NNT: variants seen among roughly 807,000 people sequenced by gnomAD.
The protein encoded by NNT is nicotinamide nucleotide transhydrogenase.
Under a neutral mutation model 104.8 loss-of-function variants are expected in NNT, and 50 were observed. The observed-to-expected ratio is 0.48, with a 90% CI of 0.38 to 0.60. NNT has a LOEUF of 0.60. Ranked by LOEUF, NNT falls within the 20% of genes least tolerant of loss-of-function variation. The pLI is 0.00. For missense variants in NNT, 1,131 were observed against 1,330.7 expected (o/e 0.85, Z 2.33); for synonymous variants, 461 against 490.4 (o/e 0.94, Z 0.79).
chr5:43,671,348 C>A (rs1217693207), intron 17 of NNT, among the ~76,000 whole-genome samples: 2 of 152,124 alleles, frequency 1.3e-5, no homozygotes, highest in Admixed American at 1.3e-4. Flanking sequence ...GGTTATTTTG[C>A]TCGTTAGTTG....
At chr5:43,655,721 A>G (rs1038230065) in intron 14 of NNT, 119 bp from the exon 15 acceptor site, 6 of 719,236 alleles carry the variant, frequency 8.3e-6, no homozygotes, top group Non-Finnish European at 1.4e-5. Context: ...TTTAGCCCGT[A>G]CTAGGAACTA....
At chr5:43,699,100 A>G (rs1681745697) in intron 19 of NNT, among the ~76,000 whole-genome samples, 1 of 152,000 alleles carries the variant, frequency 6.6e-6, no homozygotes, top group African/African-American at 2.4e-5. Context: ...GAGACAGATA[A>G]ATACTGGGCA....
At chr5:43,637,390 G>T (rs1198220858) in intron 7 of NNT, among the ~76,000 whole-genome samples, 1 of 152,076 alleles carries the variant, frequency 6.6e-6, no homozygotes, top group Non-Finnish European at 1.5e-5. Flanking sequence ...AAAAGCTTAA[G>T]ACTCAGTACT....
At position 43,704,355 on chromosome 5, in the gene NNT, A is replaced by G; in HGVS notation, c.3212A>G (p.Lys1071Arg). 1 of 1,613,828 alleles carries G rather than the reference A, an allele frequency of 6.2e-7. No individual in the cohort carries two copies. The highest frequency in any genetic ancestry group is 1.6e-4 in the Middle Eastern group (1 of 6,062). The change falls in exon 22 of 22, where the codon AAA becomes AGA. Residue 1071 changes from lysine to arginine, a missense_variant. Coordinates refer to ENST00000344920, the MANE Select transcript of NNT (RefSeq NM_182977.3). ...GCCATGCTTCTAGGTGATGCCAAGA[A>G]AACATGTGACGCGCTCCAGGCGAAA... ...NTAMLLGDAK[K>R]TCDALQAKVR...
intron 10 of NNT, among the ~76,000 whole-genome samples, chr5:43,646,082 A>G (rs951769466): frequency 3.3e-5 from 5 of 152,030 alleles, no homozygotes; most frequent in Admixed American, 1.3e-4. Context: ...TCCATTAGTA[A>G]TCGGGCCTGA....
Position 43,704,243 on chromosome 5 carries a change from T to G in NNT, c.3112-12T>G. ...GTTAAATACACTCTCTCATTTAATCTCTGGTTCTCAGGTGATTGTTATGAA... is the reference window on the plus strand; with the variant it reads ...GTTAAATACACTCTCTCATTTAATCGCTGGTTCTCAGGTGATTGTTATGAA... On this transcript the variant is annotated splice_polypyrimidine_tract_variant and intron_variant, in intron 21 of 21. Transcript: ENST00000344920. 6.5e-7 allele frequency: 1 copy of G among 1,539,150 alleles called. No homozygotes were observed. Among genetic ancestry groups the G allele is most frequent in the Non-Finnish European group, 8.7e-7 (1 of 1,149,278 alleles).
intron 17 of NNT, among the ~76,000 whole-genome samples, chr5:43,665,673 C>G (rs929209120): frequency 6.6e-5 from 10 of 151,714 alleles, no homozygotes; most frequent in Non-Finnish European, 1.5e-4. Flanking sequence ...TCTCTTTTCC[C>G]CACATTTCCC....
Position 43,656,053 on chromosome 5 carries a change from T to C in NNT, c.2273T>C (p.Ile758Thr), listed in dbSNP as rs761555191. 2.4e-5 allele frequency: 39 copies of C among 1,613,974 alleles called. No individual in the cohort carries two copies. The highest frequency in any genetic ancestry group is 2.8e-5 in the Non-Finnish European group (33 of 1,179,928). ...IGGVTFSGSL[I>T]AYGKLQGLLK... ...GGCGTCACCTTTAGTGGGTCTCTCA[T>C]TGCCTATGGAAAATTGCAGGGTAAG... is the stretch of plus-strand genomic sequence containing the variant. The change falls in exon 15 of 22, where the codon ATT becomes ACT. Residue 758 changes from isoleucine to threonine, a missense_variant. Transcript: ENST00000344920.
intron 6 of NNT, among the ~76,000 whole-genome samples, chr5:43,626,856 T>TAC (rs1307295778): frequency 1.3e-5 from 2 of 151,132 alleles, no homozygotes; most frequent in Non-Finnish European, 2.9e-5. Context: ...TATACACACA[T>TAC]ATATGTATGT....
Position 43,662,886 on chromosome 5 carries a change from C to A in NNT, c.2634+3536C>A, listed in dbSNP as rs1251751386. Among the ~76,000 whole-genome samples the A allele has an allele frequency of 3.4e-5, 5 of 146,440 alleles. 1 individual carries two copies. The South Asian group carries it at 1.1e-3, about 32-fold the overall frequency. On this transcript the variant is annotated intron_variant, in intron 17 of 21. Transcript: ENST00000344920. ...TGCAGCCTAGGAGACAGAGTGAGACCCTGTCTCAAAAAAAAAAAAAAAAAT... is the reference window on the plus strand; with the variant it reads ...TGCAGCCTAGGAGACAGAGTGAGACACTGTCTCAAAAAAAAAAAAAAAAAT...
At chr5:43,639,344 A>G (rs1328477888) in intron 7 of NNT, among the ~76,000 whole-genome samples, 1 of 152,186 alleles carries the variant, frequency 6.6e-6, no homozygotes, top group East Asian at 1.9e-4. Flanking sequence ...ATATATCAAT[A>G]AATAGAACAC....
At chr5:43,675,412 C>A in intron 17 of NNT, 99 bp from the exon 18 acceptor site, 3 of 1,085,262 alleles carry the variant, frequency 2.8e-6, no homozygotes, top group Admixed American at 2.9e-5. Context: ...ATCAAATAAA[C>A]CTTTTAAAAT....
intron 5 of NNT, among the ~76,000 whole-genome samples, chr5:43,621,092 A>G (rs1468323628): frequency 6.6e-6 from 1 of 152,234 alleles, no homozygotes; most frequent in Non-Finnish European, 1.5e-5. Context: ...ATTGCATAAT[A>G]CTGTCTTTTA....
chr5:43,669,740 C>A (rs1328017102), intron 17 of NNT, among the ~76,000 whole-genome samples: 1 of 152,122 alleles, frequency 6.6e-6, no homozygotes, highest in African/African-American at 2.4e-5. Context: ...GTCTAAAATT[C>A]TCTTTTTTTG....
At chr5:43,631,550 G>C (rs1247721460) in intron 7 of NNT, among the ~76,000 whole-genome samples, 1 of 152,148 alleles carries the variant, frequency 6.6e-6, no homozygotes, top group Non-Finnish European at 1.5e-5. Flanking sequence ...CATGGAGTAA[G>C]CCATGTGGAT....
chr5:43,615,758 GTC>G (rs1749751866), intron 3 of NNT, 88 bp from the exon 4 acceptor site: 2 of 949,472 alleles, frequency 2.1e-6, no homozygotes, highest in Non-Finnish European at 3.1e-6. Context: ...TATTATTTCA[GTC>G]ATGGCATATT....
chr5:43,644,568 C>T (rs1285420953), intron 8 of NNT, 43 bp from the exon 9 acceptor site: 2 of 1,494,748 alleles, frequency 1.3e-6, no homozygotes, highest in African/African-American at 1.4e-5. Context: ...TGAATGTGAA[C>T]ATAGGGTGAT....
At chr5:43,617,239 C>T (rs1195469340) in intron 4 of NNT, among the ~76,000 whole-genome samples, 1 of 152,174 alleles carries the variant, frequency 6.6e-6, no homozygotes, top group African/African-American at 2.4e-5. Context: ...ACCAGTCGCT[C>T]TAGATCAAGT....
At chr5:43,615,150 CA>C (rs70997417) in intron 3 of NNT, among the ~76,000 whole-genome samples, 6,008 of 147,780 alleles carry the variant, frequency 0.041, 156 homozygotes, top group East Asian at 0.13. Context: ...TCTCAAAAAA[CA>C]AAAAAAAATA....
Sources: allele counts gnomAD v4.1 joint callset (sites outside exome capture counted in the v4.1 genomes callset), GRCh38; gene constraint gnomAD v4.1.1; transcripts MANE v1.5; gene names NCBI Gene and HGNC (gene_info 2026-07-23, HGNC 2026-07-21).